Variants in VPS54 observed in about 807,000 individuals in gnomAD.
The protein encoded by VPS54 is VPS54 subunit of GARP complex, also known as vacuolar protein sorting-associated protein 54.
VPS54 carries 45 observed loss-of-function variants against 121.5 expected under a neutral mutation model. That is an observed-to-expected ratio of 0.37 (90% CI 0.29 to 0.47). VPS54 has a LOEUF of 0.47. VPS54 is among the 20% of genes least tolerant of loss of function. VPS54 has a pLI of 0.99. For synonymous variants in VPS54, 371 were observed against 385.8 expected, an observed-to-expected ratio of 0.96 and a Z score of 0.45; for missense variants, 1,090 against 1,131.4, an observed-to-expected ratio of 0.96 and a Z score of 0.52.
At chr2:63,933,222 C>T (rs77197971) in intron 12 of VPS54, among the ~76,000 whole-genome samples, 101 of 152,174 alleles carry the variant, frequency 6.6e-4, no homozygotes, top group African/African-American at 2.3e-3. Flanking sequence ...AGATGTGATC[C>T]ATTTGGAAAT....
intron 17 of VPS54, chr2:63,913,717 C>T (rs1313109594): frequency 4.8e-6 from 2 of 417,574 alleles, no homozygotes; most frequent in Non-Finnish European, 6.6e-6. Flanking sequence ...AGCATTTCCT[C>T]CGTACTGGTA....
chr2:63,913,531 C>G (rs1040340264), intron 17 of VPS54, among the ~76,000 whole-genome samples: 1 of 151,996 alleles, frequency 6.6e-6, no homozygotes, highest in African/African-American at 2.4e-5. Flanking sequence ...TTGAAAAATT[C>G]TAAAAATCAG....
rs997314658 is a variant in VPS54, at chr2:63,892,431, G to A, written c.*999C>T. The stretch of plus-strand genomic sequence containing the variant: ...GTCTTTACTTGTCACCTTATTTCTG[G>A]CCCCAACACAGCAGCCTATAGTTTT... On this transcript the variant is annotated 3_prime_UTR_variant, in exon 23 of 23. Transcript: ENST00000272322. 19 of 152,212 alleles carry A rather than the reference G, an allele frequency of 1.2e-4. No individual in the cohort carries two copies. The highest frequency in any genetic ancestry group is 4.6e-4 in the African/African-American group (19 of 41,346). The allele number at this position is 152,212 out of a possible 1,614,324, so 9.4% of individuals were successfully genotyped here.
chr2:63,963,152 C>T lies in VPS54; in HGVS notation c.625-709G>A, dbSNP rs140451135. Among the ~76,000 whole-genome samples the T allele has an allele frequency of 3.4e-3, 518 of 151,996 alleles. 7 individuals are homozygous for T. The highest frequency in any genetic ancestry group is 0.011 in the African/African-American group (473 of 41,494). On this transcript the variant is annotated intron_variant, in intron 6 of 22. Coordinates refer to ENST00000272322, the MANE Select transcript of VPS54 (RefSeq NM_016516.3). ...ATTCATTTGGATTTTTTTCAGGCTGCTTATTTTACATTTCAAAAGTGATTC... is the reference window on the plus strand; with the variant it reads ...ATTCATTTGGATTTTTTTCAGGCTGTTTATTTTACATTTCAAAAGTGATTC...
At chr2:63,970,304 G>GATATATATAGATATATATAGATAT (rs1358578690) in intron 4 of VPS54, among the ~76,000 whole-genome samples, 163 of 134,034 alleles carry the variant, frequency 1.2e-3, no homozygotes, top group Middle Eastern at 4.0e-3. Flanking sequence ...GATATATATA[G>GATATATATAGATATATATAGATAT]ATATAGATAA....
At chr2:63,942,054 A>C (rs1674764487) in intron 11 of VPS54, among the ~76,000 whole-genome samples, 1 of 150,914 alleles carries the variant, frequency 6.6e-6, no homozygotes, top group African/African-American at 2.5e-5. Flanking sequence ...AAAAAAAGTA[A>C]ATTAGCAAGG....
rs182004976 is a variant in VPS54, at chr2:63,952,175, C to A, written c.1011-3012G>T. 2.1e-4 allele frequency among the ~76,000 whole-genome samples: 32 copies of A among 152,232 alleles called. No individual in the cohort carries two copies. The East Asian group carries it at 5.0e-3, about 24-fold the overall frequency. ...TCGCTTAAGTCATTAAACTGAAAGTCATTGAAACACAAGACTGAAAAATGT... is the reference window on the plus strand; with the variant it reads ...TCGCTTAAGTCATTAAACTGAAAGTAATTGAAACACAAGACTGAAAAATGT... On this transcript the variant is annotated intron_variant, in intron 7 of 22. Transcript: ENST00000272322.
intron 1 of VPS54, among the ~76,000 whole-genome samples, chr2:64,009,033 A>C (rs1230574160): frequency 2.6e-5 from 4 of 152,172 alleles, no homozygotes; most frequent in African/African-American, 9.7e-5. Context: ...GTGAAGAGGG[A>C]ATCTGAATTC....
chr2:64,017,336 CAAA>C (rs34819872), intron 1 of VPS54, among the ~76,000 whole-genome samples: 1 of 96,878 alleles, frequency 1.0e-5, no homozygotes, highest in African/African-American at 4.2e-5. Context: ...GACCCCGTCT[CAAA>C]AAAAAAAAAA....
At chr2:63,912,784 AC>A in intron 18 of VPS54, 123 bp from the exon 19 acceptor site, 1 of 1,247,866 alleles carries the variant, frequency 8.0e-7, no homozygotes, top group Non-Finnish European at 1.1e-6. Flanking sequence ...TATTTCATAA[AC>A]GAAGAGCCCT....
At chr2:64,016,450 A>G (rs1284813003) in intron 1 of VPS54, among the ~76,000 whole-genome samples, 1 of 152,158 alleles carries the variant, frequency 6.6e-6, no homozygotes, top group Non-Finnish European at 1.5e-5. Flanking sequence ...ATTGAGACAG[A>G]AAGTAGACTA....
rs1266057172 is a variant in VPS54, at chr2:63,919,867, G to C, written c.2164+16C>G. On this transcript the variant is annotated intron_variant, in intron 15 of 22. Coordinates refer to ENST00000272322, the MANE Select transcript of VPS54 (RefSeq NM_016516.3). ...AATATAAAATTGAAAGAGAATGTGT[G>C]AATGAATACACATACCTCCTGATTT... is the stretch of plus-strand genomic sequence containing the variant. The C allele has an allele frequency of 4.5e-6, 7 of 1,565,134 alleles. No individual in the cohort carries two copies. The highest frequency in any genetic ancestry group is 6.1e-6 in the Non-Finnish European group (7 of 1,145,332).
chr2:63,979,927 C>T (rs936862471), intron 3 of VPS54, among the ~76,000 whole-genome samples: 4 of 151,806 alleles, frequency 2.6e-5, no homozygotes, highest in African/African-American at 7.3e-5. Flanking sequence ...GTTTCATGAA[C>T]ACTTGAAAAA....
chr2:63,909,632 C>T (rs1673051314), intron 20 of VPS54, among the ~76,000 whole-genome samples: 1 of 145,556 alleles, frequency 6.9e-6, no homozygotes, highest in South Asian at 2.1e-4. Flanking sequence ...CTTGGCCAGG[C>T]TGGTCTTGAA....
rs142161094 is a variant in VPS54, at chr2:63,940,323, A to G, written c.1398+2142T>C. ...AACTTTTTTCACAGAAAAAAGTACC[A>G]TATTTCATGTCATCTGTAAAGATGT... is the stretch of plus-strand genomic sequence containing the variant. On this transcript the variant is annotated intron_variant, in intron 11 of 22. Coordinates refer to ENST00000272322, the MANE Select transcript of VPS54 (RefSeq NM_016516.3). 1.4e-4 allele frequency among the ~76,000 whole-genome samples: 21 copies of G among 152,312 alleles called. 1 individual carries two copies. The East Asian group carries it at 2.5e-3, about 18-fold the overall frequency.
intron 4 of VPS54, among the ~76,000 whole-genome samples, chr2:63,969,443 T>A (rs1404498104): frequency 6.6e-6 from 1 of 152,112 alleles, no homozygotes; most frequent in Non-Finnish European, 1.5e-5. Context: ...TAGGTTCTCA[T>A]AGGAGCACAA....
chr2:63,988,603 TG>T (rs1446803811), intron 1 of VPS54, among the ~76,000 whole-genome samples: 4 of 152,204 alleles, frequency 2.6e-5, no homozygotes, highest in Admixed American at 6.6e-5. Context: ...ACATAAATCG[TG>T]AAGATTTCAC....
intron 1 of VPS54, among the ~76,000 whole-genome samples, chr2:64,018,001 A>G (rs1297281888): frequency 6.6e-6 from 1 of 152,204 alleles, no homozygotes; most frequent in Non-Finnish European, 1.5e-5. Flanking sequence ...GCTTTTTCCA[A>G]TTAGAACTCC....
At chr2:63,968,504 G>A (rs1426548022) in intron 5 of VPS54, among the ~76,000 whole-genome samples, 2 of 151,618 alleles carry the variant, frequency 1.3e-5, no homozygotes, top group African/African-American at 4.8e-5. Context: ...TTGAAATCAA[G>A]AGTTCAAGAC....
Sources: allele counts gnomAD v4.1 joint callset (sites outside exome capture counted in the v4.1 genomes callset), GRCh38; gene constraint gnomAD v4.1.1; transcripts MANE v1.5; gene names NCBI Gene and HGNC (gene_info 2026-07-23, HGNC 2026-07-21).